Variants in LARS1 observed in about 807,000 individuals in gnomAD.
LARS1 encodes the protein leucine--tRNA ligase, cytoplasmic.
A neutral mutation model predicts 162.8 loss-of-function variants in LARS1; 100 were observed. That is an observed-to-expected ratio of 0.61 (90% CI 0.52 to 0.73). LARS1 has a LOEUF of 0.73. Ranked by LOEUF, LARS1 falls within the 30% of genes least tolerant of loss-of-function variation. The pLI is 0.00. For missense variants in LARS1, 1,258 were observed against 1,408.9 expected (o/e 0.89, Z 1.71); for synonymous variants, 457 against 462.8 (o/e 0.99, Z 0.16).
At position 146,113,853 on chromosome 5, in the gene LARS1, G is replaced by C; in HGVS notation, c.*253C>G. 1 of 447,362 alleles carries C rather than the reference G, an allele frequency of 2.2e-6. No homozygotes were observed. The highest frequency in any genetic ancestry group is 3.9e-5 in the East Asian group (1 of 25,552). The allele number at this position is 447,362 out of a possible 1,614,324, so 27.7% of individuals were successfully genotyped here. On this transcript the variant is annotated 3_prime_UTR_variant, in exon 32 of 32. Coordinates refer to ENST00000394434, the MANE Select transcript of LARS1 (RefSeq NM_020117.11). The stretch of plus-strand genomic sequence containing the variant: ...AAAAACCAGAAACTTCTAGGAAATA[G>C]CAACAATTTGTTTTTTAAAAAGAGT...
chr5:146,135,710 A>C, intron 21 of LARS1, 46 bp from the exon 22 acceptor site: 2 of 1,359,578 alleles, frequency 1.5e-6, no homozygotes, highest in East Asian at 5.0e-5. Context: ...AGTAATATAA[A>C]TAAACCAAAT....
At chr5:146,176,076 C>T (rs1041169239) in intron 2 of LARS1, among the ~76,000 whole-genome samples, 3 of 151,848 alleles carry the variant, frequency 2.0e-5, no homozygotes, top group East Asian at 1.9e-4. Flanking sequence ...TGCTTGAGCT[C>T]GGGAGTTTGA....
Position 146,157,419 on chromosome 5 carries a change from T to G in LARS1, c.1049A>C (p.Lys350Thr). Residue 350 changes from lysine (K) to threonine (T), a missense_variant, in exon 10 of 32, where the codon AAG (lysine) becomes ACG (threonine). Coordinates refer to ENST00000394434, the MANE Select transcript of LARS1 (RefSeq NM_020117.11). ...TKDNGVVPVVKELMGEEILGA... is the reference protein window; with the variant it reads ...TKDNGVVPVVTELMGEEILGA... ...CCAACTTACCTCCCCCATTAATTCC[T>G]TAACAACAGGCACCACGCCATTGTC... The G allele has an allele frequency of 6.2e-7, 1 of 1,614,072 alleles. No individual in the cohort carries two copies. Among genetic ancestry groups the G allele is most frequent in the Non-Finnish European group, 8.5e-7 (1 of 1,179,992 alleles).
At chr5:146,157,249 A>T in intron 10 of LARS1, 154 bp downstream of exon 10, 1 of 675,578 alleles carries the variant, frequency 1.5e-6, no homozygotes, top group Non-Finnish European at 2.6e-6. Flanking sequence ...AAGTGTATAT[A>T]CATATGAAAA....
rs369661734 is a variant in LARS1 at position 146,120,385 on chromosome 5, T to C, written c.3311A>G (p.Asn1104Ser). The part of the protein sequence containing the change: ...DSIIRRLMKM[N>S]RGIKDLSKVK... ...GAACAACTTACCTTTAATTCCTCGA[T>C]TCATTTTCATTAAACGCCTGATTAT... The change falls in exon 31 of 32, where the codon AAT (asparagine) becomes AGT (serine). Residue 1104 changes from asparagine (N) to serine (S), a missense_variant. By Grantham distance (46) the Asn-to-Ser change is conservative. Transcript: ENST00000394434. 5.3e-5 allele frequency: 85 copies of C among 1,613,248 alleles called. 1 individual carries two copies. In the South Asian group the frequency reaches 6.9e-4, roughly 13 times the overall value.
At position 146,182,477 on chromosome 5, in the gene LARS1, C is replaced by T. The variant is rs371506125; in HGVS notation, c.6+11G>A. 58 of 1,613,842 alleles carry T rather than the reference C, an allele frequency of 3.6e-5. No individual in the cohort carries two copies. The highest frequency in any genetic ancestry group is 4.6e-5 in the Non-Finnish European group (54 of 1,179,874). ...CCAGGGCCCCTGCGGATTCTTCTCG[C>T]TCAAACTCACCGCCATTGCACCGCC... is the stretch of plus-strand genomic sequence containing the variant. On this transcript the variant is annotated intron_variant, in intron 1 of 31. Transcript: ENST00000394434.
chr5:146,143,710 C>T (rs1368798736), intron 18 of LARS1, among the ~76,000 whole-genome samples, 160 bp from the exon 19 acceptor site: 1 of 152,064 alleles, frequency 6.6e-6, no homozygotes, highest in African/African-American at 2.4e-5. Flanking sequence ...AGATAAAAGA[C>T]AAAATGGGCC....
chr5:146,132,555 A>T (rs575693059), intron 23 of LARS1: 17 of 176,640 alleles, frequency 9.6e-5, no homozygotes, highest in Admixed American at 1.8e-4. Context: ...ATGAGAACAG[A>T]CTTTCAAGAC....
At chr5:146,174,535 TATC>T (rs1754450206) in intron 2 of LARS1, among the ~76,000 whole-genome samples, 1 of 109,134 alleles carries the variant, frequency 9.2e-6, no homozygotes, top group South Asian at 2.6e-4. Flanking sequence ...TATATATATA[TATC>T]CATATATGTA....
At chr5:146,169,481 C>T (rs1174736471) in intron 4 of LARS1, among the ~76,000 whole-genome samples, 1 of 151,816 alleles carries the variant, frequency 6.6e-6, no homozygotes, top group East Asian at 1.9e-4. Context: ...ATGATAAAAC[C>T]AGGGTTATTG....
chr5:146,125,943 G>C (rs1752023867), intron 28 of LARS1, among the ~76,000 whole-genome samples: 2 of 151,936 alleles, frequency 1.3e-5, no homozygotes, highest in African/African-American at 4.8e-5. Context: ...CTAATGAGTA[G>C]AAGCCAGGGA....
intron 3 of LARS1, 52 bp from the exon 4 acceptor site, chr5:146,172,042 C>T (rs1365049970): frequency 3.4e-5 from 49 of 1,451,578 alleles, no homozygotes; most frequent in African/African-American, 4.2e-5. Context: ...CAGACAAATA[C>T]AAAATGTGAA....
Position 146,135,588 on chromosome 5 carries a change from A to G in LARS1, c.2212+13T>C, listed in dbSNP as rs114726414. 8.6e-3 allele frequency: 13,710 copies of G among 1,586,928 alleles called. 105 individuals are homozygous for G. The highest frequency in any genetic ancestry group is 0.022 in the Middle Eastern group (133 of 6,014). ...GACCCTACAGAACAGCAATAAGAAA[A>G]ATGTTTACTCACCATCTGCTGAAAA... On this transcript the variant is annotated intron_variant, in intron 22 of 31. Transcript: ENST00000394434.
chr5:146,155,008 C>T lies in LARS1; in HGVS notation c.1066-1028G>A, dbSNP rs150763620. On this transcript the variant is annotated intron_variant, in intron 10 of 31. Transcript: ENST00000394434. Reference sequence around the variant, plus strand: ...CTGGGATTACAGGCATGCACCACCACGCCTGGCTAATTTCTGTATTTTTAG... The same window carrying T: ...CTGGGATTACAGGCATGCACCACCATGCCTGGCTAATTTCTGTATTTTTAG... 7.8e-3 allele frequency among the ~76,000 whole-genome samples: 1,187 copies of T among 151,856 alleles called. 14 individuals are homozygous for T. The highest frequency in any genetic ancestry group is 0.027 in the African/African-American group (1,126 of 41,390).
chr5:146,168,956 C>A (rs1754140607), intron 4 of LARS1, among the ~76,000 whole-genome samples: 1 of 151,744 alleles, frequency 6.6e-6, no homozygotes, highest in Admixed American at 6.6e-5. Context: ...AGGAGATATA[C>A]CTAATGTAAA....
intron 15 of LARS1, among the ~76,000 whole-genome samples, chr5:146,147,715 A>G (rs1244595972): frequency 6.6e-6 from 1 of 152,156 alleles, no homozygotes; most frequent in Non-Finnish European, 1.5e-5. Context: ...AATGATAGGA[A>G]TTCAAAAAGT....
chr5:146,177,916 A>C (rs528567431), intron 1 of LARS1, among the ~76,000 whole-genome samples: 17 of 151,982 alleles, frequency 1.1e-4, no homozygotes, highest in African/African-American at 4.1e-4. Flanking sequence ...CCTGGCCAAC[A>C]GGGCGAAACC....
chr5:146,151,821 T>C lies in LARS1; in HGVS notation c.1425+41A>G, dbSNP rs375287340. 1.9e-5 allele frequency: 30 copies of C among 1,541,224 alleles called. No individual in the cohort carries two copies. In the African/African-American group the frequency reaches 3.6e-4, roughly 18 times the overall value. On this transcript the variant is annotated intron_variant, in intron 14 of 31. Transcript: ENST00000394434. ...TTCTAATTAAGAAAATCACAGAGCA[T>C]GGAGTAAAGCAAATAAAAACTAAAA...
At chr5:146,131,192 A>T (rs1752264502) in intron 23 of LARS1, 83 bp from the exon 24 acceptor site, 4 of 567,560 alleles carry the variant, frequency 7.0e-6, no homozygotes, top group Non-Finnish European at 1.2e-5. Flanking sequence ...ACACAAATTT[A>T]AAATACTGCT....
Sources: gnomAD v4.1 joint callset for allele counts (sites outside exome capture counted in the v4.1 genomes callset) on GRCh38, gnomAD v4.1.1 for gene constraint, MANE v1.5 for transcripts, NCBI Gene and HGNC (gene_info 2026-07-23, HGNC 2026-07-21) for gene names.